STMN3: variants seen among roughly 807,000 people sequenced by gnomAD.
STMN3 encodes stathmin 3.
In STMN3, 24 loss-of-function variants were observed where a neutral mutation model predicts 23.2. That is an observed-to-expected ratio of 1.03 (90% CI 0.75 to 1.45). The LOEUF (loss-of-function observed/expected upper bound fraction) is 1.45, where lower values mean the gene tolerates loss of function less well. Ranked by LOEUF, STMN3 falls within the 40% of genes most tolerant of loss-of-function variation. The pLI, the probability that STMN3 is intolerant of heterozygous loss-of-function variation, is 0.00. For synonymous variants in STMN3, 117 were observed against 103.4 expected (o/e 1.13, Z -0.80); for missense variants, 235 against 237.6 (o/e 0.99, Z 0.07).
At chr20:63,643,230 TC>T (rs770867353) in intron 3 of STMN3, among the ~76,000 whole-genome samples, 1 of 152,196 alleles carries the variant, frequency 6.6e-6, no homozygotes, top group Non-Finnish European at 1.5e-5. Context: ...TCCTGCTCCT[TC>T]CAGGTGGCCG....
intron 3 of STMN3, 144 bp from the exon 4 acceptor site, chr20:63,642,443 C>A: frequency 2.8e-6 from 1 of 353,868 alleles, no homozygotes; most frequent in East Asian, 4.6e-5. Context: ...CGCCGGGACC[C>A]CCGGGCGCTG....
At chr20:63,648,665 G>A (rs1477632520) in intron 1 of STMN3, among the ~76,000 whole-genome samples, 2 of 152,206 alleles carry the variant, frequency 1.3e-5, no homozygotes, top group African/African-American at 4.8e-5. Flanking sequence ...GAGCCTGGAA[G>A]GCGGAAGTTG....
chr20:63,649,001 C>T (rs1034897958), intron 1 of STMN3, among the ~76,000 whole-genome samples: 2 of 152,108 alleles, frequency 1.3e-5, no homozygotes, highest in South Asian at 2.1e-4. Context: ...TCAGACCTCT[C>T]ACAGGTCTTG....
rs528250445 is a variant in STMN3, at chr20:63,644,900, C to T, written c.20-591G>A. 6.8e-4 allele frequency among the ~76,000 whole-genome samples: 103 copies of T among 152,268 alleles called. 1 individual carries two copies. Among genetic ancestry groups the T allele is most frequent in the Admixed American group, 1.8e-3 (28 of 15,308 alleles). Reference sequence around the variant, plus strand: ...ATCCTGGACTTTCTGGCCTCCAGAGCGATGGGAAATAAGTTCCTGTCGTCT... The same window carrying T: ...ATCCTGGACTTTCTGGCCTCCAGAGTGATGGGAAATAAGTTCCTGTCGTCT... On this transcript the variant is annotated intron_variant, in intron 1 of 4. Coordinates refer to ENST00000370053, the MANE Select transcript of STMN3 (RefSeq NM_015894.4).
intron 1 of STMN3, among the ~76,000 whole-genome samples, chr20:63,647,672 T>C (rs556607525): frequency 7.4e-4 from 85 of 114,738 alleles, no homozygotes; most frequent in African/African-American, 2.3e-3. Flanking sequence ...AATATATATA[T>C]ACGTATATAT....
intron 1 of STMN3, among the ~76,000 whole-genome samples, chr20:63,647,930 G>GTATATATA: frequency 1.5e-5 from 1 of 64,842 alleles, no homozygotes; most frequent in Admixed American, 1.8e-4. Context: ...ATATATATAC[G>GTATATATA]TATATATGTG....
At chr20:63,649,822 G>A (rs1446898862) in intron 1 of STMN3, among the ~76,000 whole-genome samples, 3 of 140,812 alleles carry the variant, frequency 2.1e-5, no homozygotes, top group Non-Finnish European at 4.6e-5. Flanking sequence ...GAGCCACCGC[G>A]CCTGGACTTT....
In STMN3 at chr20:63,643,599, A is replaced by C. The variant is rs1205833427; in HGVS notation, c.291+157T>G. 1.0e-5 allele frequency: 10 copies of C among 982,128 alleles called. No homozygotes were observed. In the East Asian group the frequency reaches 4.6e-4, roughly 45 times the overall value. 60.8% of individuals were successfully genotyped at this position (982,128 alleles called of 1,614,324 possible). Reference sequence around the variant, plus strand: ...CCCGGCCTCTCCCCATCCCATTCTTATCTCTCAGAAAGAGGCCCAGGGAGC... The same window carrying C: ...CCCGGCCTCTCCCCATCCCATTCTTCTCTCTCAGAAAGAGGCCCAGGGAGC... On this transcript the variant is annotated intron_variant, in intron 3 of 4. Coordinates refer to ENST00000370053, the MANE Select transcript of STMN3 (RefSeq NM_015894.4).
At chr20:63,646,819 A>C (rs75492454) in intron 1 of STMN3, among the ~76,000 whole-genome samples, 3 of 142,324 alleles carry the variant, frequency 2.1e-5, no homozygotes, top group Non-Finnish European at 3.1e-5. Flanking sequence ...TTTTTTTTTT[A>C]TCTCTGCTCA....
intron 1 of STMN3, among the ~76,000 whole-genome samples, chr20:63,650,651 C>G (rs1356423967): frequency 1.2e-4 from 16 of 133,162 alleles, no homozygotes; most frequent in African/African-American, 4.7e-4. Flanking sequence ...CAGGGTCACA[C>G]CTGACGCCCA....
chr20:63,646,023 G>A (rs1304856854), intron 1 of STMN3, among the ~76,000 whole-genome samples: 14 of 152,052 alleles, frequency 9.2e-5, no homozygotes, highest in Admixed American at 8.5e-4. Context: ...GAAAGGAAAG[G>A]AAAGGAAGAC....
intron 3 of STMN3, among the ~76,000 whole-genome samples, chr20:63,643,019 G>A (rs1191149792): frequency 6.6e-6 from 1 of 152,116 alleles, no homozygotes. Context: ...CTGCAGGGAG[G>A]GGACCTGGAG....
At chr20:63,641,794 C>G (rs1308355409) in intron 4 of STMN3, among the ~76,000 whole-genome samples, 1 of 148,160 alleles carries the variant, frequency 6.7e-6, no homozygotes, top group Non-Finnish European at 1.5e-5. Flanking sequence ...CCCAGCTCAG[C>G]GCCTCGGAGT....
intron 1 of STMN3, among the ~76,000 whole-genome samples, chr20:63,646,991 C>T (rs1464043715): frequency 3.4e-5 from 5 of 145,792 alleles, no homozygotes; most frequent in East Asian, 2.1e-4. Flanking sequence ...CGCGCCCGCC[C>T]GGCCTACACA....
rs1407279006 is a variant in STMN3, at chr20:63,643,924, C to T, written c.123G>A (p.Glu41=). 13 of 1,596,756 alleles carry T rather than the reference C, an allele frequency of 8.1e-6. No homozygotes were observed. The highest frequency in any genetic ancestry group is 1.1e-5 in the South Asian group (1 of 88,584). Residue 41 remains glutamate, a synonymous_variant, in exon 3 of 5, where the codon GAG becomes GAA. Coordinates refer to ENST00000370053, the MANE Select transcript of STMN3 (RefSeq NM_015894.4). ...PNTVYQYGDM[E]VKQLDKRASG... ...AGGCCCGCTTGTCCAGCTGCTTCACCTCCATGTCTGCAGGGCAAGACCAGA... is the reference window on the plus strand; with the variant it reads ...AGGCCCGCTTGTCCAGCTGCTTCACTTCCATGTCTGCAGGGCAAGACCAGA...
In STMN3 at chr20:63,642,221, C is replaced by A; in HGVS notation, c.370G>T (p.Glu124Ter). 6.4e-7 allele frequency: 1 copy of A among 1,563,314 alleles called. No individual in the cohort carries two copies. The highest frequency in any genetic ancestry group is 1.9e-5 in the Admixed American group (1 of 53,914). ...GCCTGGCGGCTGAAGTTGTTATTCT[C>A]CTCCAGCGCCTTGTGCAGCACCTCG... Reference protein sequence around the residue: ...EREVLHKALEENNNFSRQAEE... With the variant: ...EREVLHKALE Residue 124 changes from glutamate to a stop codon, truncating the protein, a stop_gained, in exon 4 of 5, where the codon GAG (glutamate) becomes TAG (stop). Transcript: ENST00000370053. LOFTEE classifies it high-confidence loss of function.
At chr20:63,643,717 T>G in intron 3 of STMN3, 39 bp downstream of exon 3, 6 of 1,494,132 alleles carry the variant, frequency 4.0e-6, no homozygotes, top group Non-Finnish European at 5.3e-6. Context: ...GCCGCCTCCG[T>G]TGAAACTCCT....
chr20:63,647,245 T>C (rs1601059857), intron 1 of STMN3, among the ~76,000 whole-genome samples: 1 of 147,546 alleles, frequency 6.8e-6, no homozygotes, highest in Non-Finnish European at 1.5e-5. Context: ...GAGGTGGAGG[T>C]TGAAGTGAGC....
chr20:63,651,482 G>A (rs566536348), intron 1 of STMN3, among the ~76,000 whole-genome samples: 13 of 152,116 alleles, frequency 8.5e-5, no homozygotes, highest in Non-Finnish European at 1.8e-4. Context: ...TCCCCCCGGG[G>A]GCAGATGGAG....
Sources: gnomAD v4.1 joint callset for allele counts (sites outside exome capture counted in the v4.1 genomes callset) on GRCh38, gnomAD v4.1.1 for gene constraint, MANE v1.5 for transcripts, NCBI Gene and HGNC (gene_info 2026-07-23, HGNC 2026-07-21) for gene names.